Variants in RGS5 observed in about 807,000 individuals in gnomAD.
RGS5 encodes the protein regulator of G protein signaling 5.
Under a neutral mutation model 18.9 loss-of-function variants are expected in RGS5, and 20 were observed. The ratio of observed to expected loss-of-function variants is 1.06; its 90% CI spans 0.74 to 1.54. RGS5 has a LOEUF of 1.54. RGS5 is among the 40% of genes most tolerant of loss of function. RGS5 has a pLI of 0.00. For missense variants in RGS5, 201 were observed against 211.8 expected, an observed-to-expected ratio of 0.95 and a Z score of 0.32; for synonymous variants, 57 against 76.2, an observed-to-expected ratio of 0.75 and a Z score of 1.31.
intron 1 of RGS5, chr1:163,211,698 T>G (rs1660108831): frequency 6.6e-6 from 1 of 152,168 alleles, no homozygotes; most frequent in African/African-American, 2.4e-5. Context: ...AGAAGTAGGA[T>G]GGAGTTGGGT....
Position 163,157,310 on chromosome 1 carries a change from T to C in RGS5, c.218-4594A>G, listed in dbSNP as rs139899785. ...TGTTTGAAGAACAACACACTGTTTA[T>C]ACGCCCAACGTGCCTATGAAATGAA... On this transcript the variant is annotated intron_variant, in intron 3 of 4. Transcript: ENST00000313961. Among the ~76,000 whole-genome samples, 396 of 152,324 alleles carry C rather than the reference T, an allele frequency of 2.6e-3. 1 individual carries two copies. The highest frequency in any genetic ancestry group is 9.0e-3 in the African/African-American group (374 of 41,564).
chr1:163,147,324 C>A lies in RGS5; in HGVS notation c.*18G>T. The A allele has an allele frequency of 5.1e-6, 8 of 1,569,638 alleles. No individual in the cohort carries two copies. The highest frequency in any genetic ancestry group is 6.9e-6 in the Non-Finnish European group (8 of 1,161,042). ...GAGGAAATAACTCACAGGATGATTT[C>A]ATAGCCTGGCTAAATTACTACTTGA... is the stretch of plus-strand genomic sequence containing the variant. On this transcript the variant is annotated 3_prime_UTR_variant, in exon 5 of 5. Coordinates refer to ENST00000313961, the MANE Select transcript of RGS5 (RefSeq NM_003617.4).
intron 2 of RGS5, among the ~76,000 whole-genome samples, chr1:163,243,052 C>T (rs551431689): frequency 6.6e-6 from 1 of 152,180 alleles, no homozygotes; most frequent in South Asian, 2.1e-4. Context: ...TACTGCCCAT[C>T]AATGATAGAC....
chr1:163,176,613 C>T (rs866812759), intron 1 of RGS5, among the ~76,000 whole-genome samples: 2 of 124,550 alleles, frequency 1.6e-5, no homozygotes, highest in Non-Finnish European at 3.3e-5. Context: ...AAGAGTGAAA[C>T]TCAGTCTCAA....
intron 1 of RGS5, among the ~76,000 whole-genome samples, chr1:163,194,553 T>C (rs1005524321): frequency 3.3e-5 from 5 of 152,128 alleles, no homozygotes; most frequent in Non-Finnish European, 7.4e-5. Context: ...CACTAGGTAG[T>C]AGAAGCCAGT....
chr1:163,157,236 A>G (rs879701372), intron 3 of RGS5, among the ~76,000 whole-genome samples: 1 of 152,130 alleles, frequency 6.6e-6, no homozygotes, highest in East Asian at 1.9e-4. Context: ...GTTGTGGGGA[A>G]CTATTAAATG....
intron 2 of RGS5, among the ~76,000 whole-genome samples, chr1:163,291,018 G>A (rs903397117): frequency 2.0e-5 from 3 of 151,724 alleles, no homozygotes; most frequent in African/African-American, 4.8e-5. Context: ...GACTTTACTG[G>A]TTTAATTAAC....
intron 1 of RGS5, among the ~76,000 whole-genome samples, chr1:163,308,127 T>A (rs1200227690): frequency 1.3e-5 from 2 of 152,184 alleles, no homozygotes; most frequent in African/African-American, 4.8e-5. Context: ...AAGTTCAGTA[T>A]CACATTTAAT....
chr1:163,147,320 A>G lies in RGS5; in HGVS notation c.*22T>C, dbSNP rs1657170434. ...TATGGAGGAAATAACTCACAGGATG[A>G]TTTCATAGCCTGGCTAAATTACTAC... On this transcript the variant is annotated 3_prime_UTR_variant, in exon 5 of 5. Transcript: ENST00000313961. 4 of 1,564,650 alleles carry G rather than the reference A, an allele frequency of 2.6e-6. No homozygotes were observed. The highest frequency in any genetic ancestry group is 1.4e-5 in the African/African-American group (1 of 72,756).
upstream of RGS5, among the ~76,000 whole-genome samples, chr1:163,205,535 G>A (rs2101665668): frequency 6.6e-6 from 1 of 152,242 alleles, no homozygotes; most frequent in Non-Finnish European, 1.5e-5. Flanking sequence ...ATCATATTCT[G>A]AGTGATTTCA....
intron 1 of RGS5, among the ~76,000 whole-genome samples, chr1:163,185,420 A>G (rs973779291): frequency 5.9e-5 from 9 of 152,232 alleles, no homozygotes; most frequent in African/African-American, 2.2e-4. Flanking sequence ...GTTCAGAAGA[A>G]TGAATTCATC....
At chr1:163,223,694 AT>A (rs1417307872) in intron 2 of RGS5, among the ~76,000 whole-genome samples, 2 of 152,196 alleles carry the variant, frequency 1.3e-5, no homozygotes, top group Non-Finnish European at 2.9e-5. Flanking sequence ...GAACTCATCA[AT>A]AAATTAGACA....
chr1:163,307,090 A>G (rs1317839650), intron 1 of RGS5, among the ~76,000 whole-genome samples: 1 of 152,204 alleles, frequency 6.6e-6, no homozygotes, highest in Non-Finnish European at 1.5e-5. Context: ...CCACTTGGGA[A>G]CAACTCCTAT....
At chr1:163,319,023 T>A (rs1650106921) in intron 1 of RGS5, 1 of 152,198 alleles carries the variant, frequency 6.6e-6, no homozygotes, top group Admixed American at 6.5e-5. Context: ...GAGTGTAGGA[T>A]CCAGTCTTAG....
chr1:163,308,149 T>A (rs1649755354), intron 1 of RGS5, among the ~76,000 whole-genome samples: 1 of 152,216 alleles, frequency 6.6e-6, no homozygotes, highest in South Asian at 2.1e-4. Context: ...TTTACACAAG[T>A]CAGCAGTGTG....
intron 2 of RGS5, among the ~76,000 whole-genome samples, chr1:163,223,394 T>C (rs1242641019): frequency 1.3e-5 from 2 of 152,166 alleles, no homozygotes; most frequent in Non-Finnish European, 2.9e-5. Context: ...GTTCAAGCTG[T>C]TAAGGATGCT....
Position 163,182,199 on chromosome 1 carries a change from G to C in RGS5, c.45-13831C>G, listed in dbSNP as rs182225412. ...GGATAGGCTCAAGAAAGATCTATTT[G>C]ACTAGCATTCAAGGTAAACTCCTTT... On this transcript the variant is annotated intron_variant, in intron 1 of 4. Coordinates refer to ENST00000313961, the MANE Select transcript of RGS5 (RefSeq NM_003617.4). Among the ~76,000 whole-genome samples, 186 of 152,206 alleles carry C rather than the reference G, an allele frequency of 1.2e-3. 1 individual carries two copies. The highest frequency in any genetic ancestry group is 4.3e-3 in the African/African-American group (178 of 41,548).
chr1:163,226,066 G>A (rs539772301), intron 2 of RGS5, among the ~76,000 whole-genome samples: 12 of 152,098 alleles, frequency 7.9e-5, no homozygotes, highest in Middle Eastern at 3.4e-3. Context: ...AATTACAGGC[G>A]TGAGCCACTA....
intron 2 of RGS5, among the ~76,000 whole-genome samples, chr1:163,301,325 TTATC>T: frequency 6.9e-6 from 1 of 144,266 alleles, no homozygotes; most frequent in East Asian, 2.0e-4. Flanking sequence ...AAACGGGCAA[TTATC>T]CAGAATGAGT....
Sources: gnomAD v4.1 joint callset for allele counts (sites outside exome capture counted in the v4.1 genomes callset) on GRCh38, gnomAD v4.1.1 for gene constraint, MANE v1.5 for transcripts, NCBI Gene and HGNC (gene_info 2026-07-23, HGNC 2026-07-21) for gene names.